Variants in SDCCAG8 observed in about 807,000 individuals in gnomAD.
SDCCAG8 encodes SHH signaling and ciliogenesis regulator SDCCAG8.
Under a neutral mutation model 101.8 loss-of-function variants are expected in SDCCAG8, and 74 were observed. The ratio of observed to expected loss-of-function variants is 0.73; its 90% CI spans 0.60 to 0.88. The LOEUF is 0.88. SDCCAG8 is among the 40% of genes least tolerant of loss of function. SDCCAG8 has a pLI of 0.00. For synonymous variants in SDCCAG8, 281 were observed against 292.9 expected (o/e 0.96, Z 0.41); for missense variants, 787 against 822.6 (o/e 0.96, Z 0.53).
chr1:243,316,832 CT>C lies in SDCCAG8; in HGVS notation c.1009del (p.Tyr337MetfsTer4), dbSNP rs1331959808. 6.2e-7 allele frequency: 1 copy of C among 1,614,186 alleles called. No individual in the cohort carries two copies. Among genetic ancestry groups the C allele is most frequent in the Admixed American group, 1.7e-5 (1 of 60,022 alleles). ...GATACGCAGCAAAGAGAAGCAAGTG[CT>C]TATGAACAGGTGAAACAAGTTTTGC... Reference protein sequence around the residue: ...LADTQQREASAYEQVKQVLQI... With the variant: ...LADTQQREASXYEQVKQVLQI... On this transcript the variant is annotated frameshift_variant, in exon 9 of 18. Coordinates refer to ENST00000366541, the MANE Select transcript of SDCCAG8 (RefSeq NM_006642.5). LOFTEE classifies it high-confidence loss of function.
rs1215780902 is a variant in SDCCAG8, at chr1:243,267,803, A to G, written c.68-2302A>G. 3 of 829,766 alleles carry G rather than the reference A, an allele frequency of 3.6e-6. No individual in the cohort carries two copies. The Admixed American group carries it at 5.1e-5, about 14-fold the overall frequency. 51.4% of individuals were successfully genotyped at this position (829,766 alleles called of 1,614,324 possible). A position where few individuals can be genotyped will look rare whatever the true frequency, so the allele number is the denominator to read the frequency against. On this transcript the variant is annotated intron_variant, in intron 1 of 17. Coordinates refer to ENST00000366541, the MANE Select transcript of SDCCAG8 (RefSeq NM_006642.5). ...CCCCAATTTCTCAATTTCAGCCATT[A>G]CACAATCAGTTATACAAGGGATACA...
At chr1:243,286,020 G>A (rs2069579340) in intron 4 of SDCCAG8, among the ~76,000 whole-genome samples, 1 of 152,096 alleles carries the variant, frequency 6.6e-6, no homozygotes, top group South Asian at 2.1e-4. Context: ...TCGATTCCTT[G>A]GAGAAAAGGA....
intron 15 of SDCCAG8, among the ~76,000 whole-genome samples, chr1:243,425,975 A>G (rs966652854): frequency 6.6e-6 from 1 of 152,208 alleles, no homozygotes; most frequent in Non-Finnish European, 1.5e-5. Flanking sequence ...AAAGAAGTTG[A>G]CACATAAAAT....
At chr1:243,408,714 T>G (rs2079959641) in intron 13 of SDCCAG8, among the ~76,000 whole-genome samples, 1 of 152,292 alleles carries the variant, frequency 6.6e-6, no homozygotes, top group Middle Eastern at 3.4e-3. Context: ...CTTTAATAAC[T>G]AAAGAACTTG....
chr1:243,295,759 C>T (rs1355953366), intron 6 of SDCCAG8, among the ~76,000 whole-genome samples: 3 of 152,128 alleles, frequency 2.0e-5, no homozygotes, highest in South Asian at 2.1e-4. Context: ...TCTGCTTTCC[C>T]GAATAGCATG....
intron 6 of SDCCAG8, among the ~76,000 whole-genome samples, chr1:243,295,055 A>C (rs183974992): frequency 6.6e-6 from 1 of 152,238 alleles, no homozygotes. Flanking sequence ...GGGAAAGAGT[A>C]TCCTTCTTCA....
intron 16 of SDCCAG8, among the ~76,000 whole-genome samples, chr1:243,435,463 A>T (rs1433612617): frequency 1.3e-5 from 2 of 152,122 alleles, no homozygotes; most frequent in Non-Finnish European, 2.9e-5. Context: ...TTCATTCAAC[A>T]TATTTATTAG....
chr1:243,276,338 C>G (rs2068571726), intron 4 of SDCCAG8, among the ~76,000 whole-genome samples: 1 of 152,072 alleles, frequency 6.6e-6, no homozygotes, highest in African/African-American at 2.4e-5. Flanking sequence ...TGAAAGTAAT[C>G]CTGAACTGGT....
chr1:243,430,403 G>A (rs756759975), intron 16 of SDCCAG8, among the ~76,000 whole-genome samples: 3 of 152,102 alleles, frequency 2.0e-5, no homozygotes, highest in Non-Finnish European at 4.4e-5. Context: ...GGAAAGGGCT[G>A]GACCTAAAGG....
chr1:243,266,425 T>C, intron 1 of SDCCAG8, among the ~76,000 whole-genome samples: 1 of 151,876 alleles, frequency 6.6e-6, no homozygotes, highest in East Asian at 1.9e-4. Flanking sequence ...CAAGCAACTC[T>C]GTTGCCTCAG....
In SDCCAG8 at chr1:243,304,709, A is replaced by G. The variant is rs377256554; in HGVS notation, c.676-4A>G. On this transcript the variant is annotated splice_polypyrimidine_tract_variant and splice_region_variant and intron_variant, in intron 6 of 17. Coordinates refer to ENST00000366541, the MANE Select transcript of SDCCAG8 (RefSeq NM_006642.5). ...AAATGTACTTCTATTTTTCTTTTCT[A>G]TAGGAGAAGCTAAAACTTACTTATG... 9 of 1,506,260 alleles carry G rather than the reference A, an allele frequency of 6.0e-6. No individual in the cohort carries two copies. Among genetic ancestry groups the G allele is most frequent in the South Asian group, 2.3e-5 (2 of 88,700 alleles). The allele number at this position is 1,506,260 out of a possible 1,614,324, so 93.3% of individuals were successfully genotyped here.
intron 16 of SDCCAG8, chr1:243,476,171 CAAT>C: frequency 1.0e-6 from 1 of 985,456 alleles, no homozygotes; most frequent in Non-Finnish European, 1.2e-6. Context: ...CTGTTCAGCT[CAAT>C]TGGTCGCCTT....
At chr1:243,451,561 C>T (rs566437060) in intron 16 of SDCCAG8, among the ~76,000 whole-genome samples, 1 of 152,276 alleles carries the variant, frequency 6.6e-6, no homozygotes, top group Admixed American at 6.5e-5. Flanking sequence ...TGGACATATT[C>T]AGAGTAGCCT....
chr1:243,461,465 G>A (rs1182722991), intron 16 of SDCCAG8, among the ~76,000 whole-genome samples: 1 of 152,140 alleles, frequency 6.6e-6, no homozygotes, highest in Non-Finnish European at 1.5e-5. Context: ...TCCGCAGCAT[G>A]GTTTTGAGGA....
chr1:243,484,539 C>G (rs1451070413), intron 16 of SDCCAG8, among the ~76,000 whole-genome samples: 2 of 152,228 alleles, frequency 1.3e-5, no homozygotes, highest in African/African-American at 2.4e-5. Context: ...GCTCAGCATA[C>G]GACGATCATG....
chr1:243,293,309 A>G, intron 6 of SDCCAG8, 90 bp downstream of exon 6: 1 of 1,320,594 alleles, frequency 7.6e-7, no homozygotes, highest in Admixed American at 2.0e-5. Context: ...ATATATAACA[A>G]AATTTACCAT....
At chr1:243,301,758 GGAA>G (rs1164847953) in intron 6 of SDCCAG8, among the ~76,000 whole-genome samples, 2 of 146,648 alleles carry the variant, frequency 1.4e-5, no homozygotes, top group Admixed American at 6.7e-5. Context: ...TATAATTTGA[GGAA>G]AAAAAAAGTC....
At chr1:243,270,311 T>A in intron 2 of SDCCAG8, 54 bp downstream of exon 2, 3 of 1,480,802 alleles carry the variant, frequency 2.0e-6, no homozygotes, top group Non-Finnish European at 2.8e-6. Context: ...TTTTTTAAAC[T>A]CCGTAGAATA....
At chr1:243,313,464 C>T (rs960379274) in intron 8 of SDCCAG8, among the ~76,000 whole-genome samples, 1 of 152,188 alleles carries the variant, frequency 6.6e-6, no homozygotes, top group Non-Finnish European at 1.5e-5. Context: ...TTAAATATTA[C>T]ATGCTCATTA....
Sources: allele counts gnomAD v4.1 joint callset (sites outside exome capture counted in the v4.1 genomes callset), GRCh38; gene constraint gnomAD v4.1.1; transcripts MANE v1.5; gene names NCBI Gene and HGNC (gene_info 2026-07-23, HGNC 2026-07-21).